RXRA: variants seen among roughly 807,000 people sequenced by gnomAD.
RXRA encodes retinoid X receptor alpha, also known as retinoic acid receptor RXR-alpha.
RXRA carries 5 observed loss-of-function variants against 44.5 expected under a neutral mutation model. The observed-to-expected ratio is 0.11, with a 90% CI of 0.06 to 0.24. RXRA has a LOEUF of 0.24. Among genes scored for constraint, RXRA ranks in the 10% least tolerant of loss-of-function variants. The pLI is 1.00. For missense variants in RXRA, 412 were observed against 646.5 expected (o/e 0.64, Z 3.93); for synonymous variants, 291 against 271.4 (o/e 1.07, Z -0.71).
Position 134,436,697 on chromosome 9 carries a change from C to T in RXRA, c.*83C>T, listed in dbSNP as rs1347896815. On this transcript the variant is annotated 3_prime_UTR_variant, in exon 10 of 10. Coordinates refer to ENST00000481739, the MANE Select transcript of RXRA (RefSeq NM_002957.6). The stretch of plus-strand genomic sequence containing the variant: ...TGTTCTTCTCAGCCTGAGCCCTGTC[C>T]CTGCCCTTCTCTGCCTGGCCTGTTT... The T allele has an allele frequency of 2.6e-6, 4 of 1,536,620 alleles. No homozygotes were observed. The highest frequency in any genetic ancestry group is 3.6e-6 in the Non-Finnish European group (4 of 1,124,784).
intron 1 of RXRA, among the ~76,000 whole-genome samples, chr9:134,339,421 A>T (rs1331146127): frequency 2.0e-5 from 3 of 149,220 alleles, no homozygotes; most frequent in South Asian, 2.1e-4. Context: ...TGTGTGTGAG[A>T]GTGTGTGGGT....
rs1341885901 is a variant in RXRA, at chr9:134,426,165, C to T, written c.911-2943C>T. ...GCCCCAGGCAAGACTCTTTGTCCTG[C>T]GCTTGGAGCCTGGAGTAAGACCTGG... On this transcript the variant is annotated intron_variant, in intron 6 of 9. Coordinates refer to ENST00000481739, the MANE Select transcript of RXRA (RefSeq NM_002957.6). The surrounding 1 kb of genome is among the most constrained non-coding windows in gnomAD (Gnocchi z 4.6). 4.1e-6 allele frequency: 4 copies of T among 985,268 alleles called. No homozygotes were observed. Among genetic ancestry groups the T allele is most frequent in the Admixed American group, 6.1e-5 (1 of 16,264 alleles). The allele number at this position is 985,268 out of a possible 1,614,324, so 61.0% of individuals were successfully genotyped here. A position where few individuals can be genotyped will look rare whatever the true frequency, so the allele number is the denominator to read the frequency against.
rs373227899 is a variant in RXRA, at chr9:134,408,927, C to T, written c.431-13C>T. ...GTGGGTGCTCCCCAGCCCTGCTCTG[C>T]CCTGTCCCGCAGGCAAGCACTATGG... On this transcript the variant is annotated splice_polypyrimidine_tract_variant and intron_variant, in intron 3 of 9. Transcript: ENST00000481739. 2 of 1,524,148 alleles carry T rather than the reference C, an allele frequency of 1.3e-6. No homozygotes were observed. The highest frequency in any genetic ancestry group is 8.8e-7 in the Non-Finnish European group (1 of 1,132,056). 94.4% of individuals were successfully genotyped at this position (1,524,148 alleles called of 1,614,324 possible).
At chr9:134,332,611 A>G (rs1340797872) in intron 1 of RXRA, among the ~76,000 whole-genome samples, 1 of 151,832 alleles carries the variant, frequency 6.6e-6, no homozygotes, top group Non-Finnish European at 1.5e-5. Flanking sequence ...GTGGGGTTGC[A>G]GGGCTGGAAC....
At chr9:134,378,440 T>C (rs1830592162) in intron 1 of RXRA, among the ~76,000 whole-genome samples, 1 of 152,220 alleles carries the variant, frequency 6.6e-6, no homozygotes, top group South Asian at 2.1e-4. Flanking sequence ...AGAACGCAGC[T>C]GGTGAACAGA....
intron 1 of RXRA, among the ~76,000 whole-genome samples, chr9:134,328,793 T>G (rs1834955745): frequency 6.6e-6 from 1 of 151,990 alleles, no homozygotes. Flanking sequence ...CCCTTACAGC[T>G]GCCCAGCCGC....
chr9:134,356,826 C>T (rs977109626), intron 1 of RXRA, among the ~76,000 whole-genome samples: 1 of 152,150 alleles, frequency 6.6e-6, no homozygotes, highest in South Asian at 2.1e-4. Flanking sequence ...GGGCCCCTGC[C>T]CTGCCCCAGC....
At chr9:134,347,117 C>T (rs1110102) in intron 1 of RXRA, among the ~76,000 whole-genome samples, 2 of 132,678 alleles carry the variant, frequency 1.5e-5, no homozygotes, top group Admixed American at 7.6e-5. Flanking sequence ...GTGGAGGTGA[C>T]GGGCAAGGGT....
At chr9:134,350,572 G>A (rs532784719) in intron 1 of RXRA, among the ~76,000 whole-genome samples, 101 of 152,338 alleles carry the variant, frequency 6.6e-4, no homozygotes, top group African/African-American at 2.4e-3. Context: ...CATGAGGACT[G>A]TGTGGGCCTC....
chr9:134,366,528 T>A lies in RXRA; in HGVS notation c.29-35104T>A, dbSNP rs1301429254. Among the ~76,000 whole-genome samples, 1 of 152,112 alleles carries A rather than the reference T, an allele frequency of 6.6e-6. No homozygotes were observed. Among genetic ancestry groups the A allele is most frequent in the African/African-American group, 2.4e-5 (1 of 41,418 alleles). On this transcript the variant is annotated intron_variant, in intron 1 of 9. Coordinates refer to ENST00000481739, the MANE Select transcript of RXRA (RefSeq NM_002957.6). This position sits in a 1 kb window ranked among gnomAD's most constrained non-coding sequence, Gnocchi z 5.9. ...GTCCCCCTCCCCAGCAGCCACCCCG[T>A]GCCATGGGCCTCCAGGTCCCCCGGG...
intron 6 of RXRA, 48 bp downstream of exon 6, chr9:134,421,853 C>T (rs747562153): frequency 1.9e-6 from 3 of 1,605,192 alleles, no homozygotes; most frequent in Admixed American, 1.7e-5. Flanking sequence ...GCAGATGGGA[C>T]ACGTACCAGG....
At chr9:134,412,035 C>G (rs1374884885) in intron 4 of RXRA, among the ~76,000 whole-genome samples, 1 of 152,222 alleles carries the variant, frequency 6.6e-6, no homozygotes, top group Non-Finnish European at 1.5e-5. Context: ...GGGCAAGACC[C>G]CTTGGCTCCA....
intron 9 of RXRA, 29 bp downstream of exon 9, chr9:134,434,236 C>G: frequency 6.5e-7 from 1 of 1,532,620 alleles, no homozygotes; most frequent in Non-Finnish European, 9.0e-7. Flanking sequence ...CACACACACC[C>G]CAGACCCAGG....
chr9:134,390,737 C>T (rs1383107467), intron 1 of RXRA, among the ~76,000 whole-genome samples: 1 of 152,176 alleles, frequency 6.6e-6, no homozygotes, highest in Non-Finnish European at 1.5e-5. Flanking sequence ...TCCTGCTCAG[C>T]GGGCTGACGT....
intron 1 of RXRA, among the ~76,000 whole-genome samples, chr9:134,336,280 C>G (rs1459542724): frequency 6.6e-6 from 1 of 152,194 alleles, no homozygotes; most frequent in Admixed American, 6.5e-5. Flanking sequence ...AGCCATCCAC[C>G]CCTCTGTCCT....
intron 1 of RXRA, among the ~76,000 whole-genome samples, chr9:134,350,529 TC>T: frequency 6.6e-6 from 1 of 152,286 alleles, no homozygotes; most frequent in East Asian, 1.9e-4. Flanking sequence ...GCTAGTGTCT[TC>T]CTTCGGGCAC....
At position 134,354,097 on chromosome 9, in the gene RXRA, G is replaced by A. The variant is rs531057930; in HGVS notation, c.28+27438G>A. On this transcript the variant is annotated intron_variant, in intron 1 of 9. Transcript: ENST00000481739. ...AGGTCCATGCCTGGGAAAGCCTAGA[G>A]GTGCATTCCAGCCTTTGTGTCTCTT... 2.0e-5 allele frequency among the ~76,000 whole-genome samples: 3 copies of A among 152,296 alleles called. No homozygotes were observed. In the East Asian group the frequency reaches 5.8e-4, roughly 29 times the overall value.
At chr9:134,363,950 G>A (rs1387309826) in intron 1 of RXRA, among the ~76,000 whole-genome samples, 1 of 152,174 alleles carries the variant, frequency 6.6e-6, no homozygotes, top group Non-Finnish European at 1.5e-5. Context: ...AGAAGAGAAA[G>A]GGTTGTGCCA....
chr9:134,370,992 G>A (rs955979274), intron 1 of RXRA, among the ~76,000 whole-genome samples: 3 of 151,990 alleles, frequency 2.0e-5, no homozygotes, highest in Non-Finnish European at 4.4e-5. Context: ...GAGGGCTTGG[G>A]GAAGAGGCCG....
Sources: gnomAD v4.1 joint callset for allele counts (sites outside exome capture counted in the v4.1 genomes callset) on GRCh38, gnomAD v4.1.1 for gene constraint, Gnocchi (gnomAD v3.1) non-coding constraint, MANE v1.5 for transcripts, NCBI Gene and HGNC (gene_info 2026-07-23, HGNC 2026-07-21) for gene names.